Variants in C11orf16 observed in about 807,000 individuals in gnomAD.
C11orf16 encodes uncharacterized protein C11orf16.
Under a neutral mutation model 45.1 loss-of-function variants are expected in C11orf16, and 38 were observed. The ratio of observed to expected loss-of-function variants is 0.84; its 90% CI spans 0.65 to 1.10. The LOEUF (loss-of-function observed/expected upper bound fraction) is 1.10. C11orf16 is among the 50% of genes least tolerant of loss of function. The pLI is 0.00. For synonymous variants in C11orf16, 221 were observed against 222.0 expected (o/e 1.00, Z 0.04); for missense variants, 583 against 569.5 (o/e 1.02, Z -0.24).
chr11:8,931,075 A>G (rs932853281), intron 2 of C11orf16, among the ~76,000 whole-genome samples: 6 of 152,168 alleles, frequency 3.9e-5, no homozygotes, highest in Non-Finnish European at 7.4e-5. Flanking sequence ...GGCCTCTTGT[A>G]TCCACGCTTT....
At chr11:8,924,835 A>T (rs944044296) in intron 5 of C11orf16, among the ~76,000 whole-genome samples, 1 of 152,130 alleles carries the variant, frequency 6.6e-6, no homozygotes, top group South Asian at 2.1e-4. Flanking sequence ...GGGAATTTAG[A>T]TAGGATGGGC....
chr11:8,926,813 G>T (rs906923060), intron 4 of C11orf16, 127 bp downstream of exon 4: 3 of 664,438 alleles, frequency 4.5e-6, no homozygotes, highest in African/African-American at 3.6e-5. Flanking sequence ...AGCAAGCAAG[G>T]GGGAAAAATT....
intron 3 of C11orf16, among the ~76,000 whole-genome samples, chr11:8,928,718 C>G (rs1057484722): frequency 6.6e-6 from 1 of 152,164 alleles, no homozygotes; most frequent in Non-Finnish European, 1.5e-5. Context: ...CCAGGCTGGT[C>G]TTGAACTCCT....
chr11:8,924,933 A>T (rs2064599630), intron 5 of C11orf16, among the ~76,000 whole-genome samples: 1 of 152,216 alleles, frequency 6.6e-6, no homozygotes, highest in African/African-American at 2.4e-5. Context: ...CAGCAACAGG[A>T]CACGGCTTCC....
At chr11:8,924,342 T>C (rs2064594062) in intron 5 of C11orf16, among the ~76,000 whole-genome samples, 1 of 152,028 alleles carries the variant, frequency 6.6e-6, no homozygotes, top group Non-Finnish European at 1.5e-5. Context: ...CTGGCCAACA[T>C]GGCAAAACCC....
At chr11:8,920,501 A>C in intron 6 of C11orf16, 51 bp from the exon 7 acceptor site, 1 of 638,420 alleles carries the variant, frequency 1.6e-6, no homozygotes, top group Non-Finnish European at 2.8e-6. Flanking sequence ...TGCAATTTTA[A>C]GAATCAAAAG....
intron 2 of C11orf16, among the ~76,000 whole-genome samples, chr11:8,930,638 T>C (rs919908398): frequency 6.6e-6 from 1 of 152,032 alleles, no homozygotes; most frequent in African/African-American, 2.4e-5. Context: ...AAGGAGATGC[T>C]AGTTCCAGAA....
chr11:8,923,241 G>A (rs960713644), intron 5 of C11orf16, among the ~76,000 whole-genome samples: 1 of 152,190 alleles, frequency 6.6e-6, no homozygotes, highest in African/African-American at 2.4e-5. Flanking sequence ...AATCAGGTTT[G>A]GAACCCTTCT....
At chr11:8,922,923 C>A (rs183236650) in intron 5 of C11orf16, among the ~76,000 whole-genome samples, 12 of 152,316 alleles carry the variant, frequency 7.9e-5, no homozygotes, top group Admixed American at 7.8e-4. Flanking sequence ...TGTCTCCACA[C>A]CCCCTCTCGG....
intron 6 of C11orf16, 56 bp from the exon 7 acceptor site, chr11:8,920,506 C>G: frequency 1.6e-6 from 1 of 634,112 alleles, no homozygotes; most frequent in Non-Finnish European, 2.8e-6. Context: ...TTTTAAGAAT[C>G]AAAAGTCACT....
rs1294404452 is a variant in C11orf16, at chr11:8,926,180, CTTTTCT to C, written c.560-79_560-74del. 4 of 987,614 alleles carry C rather than the reference CTTTTCT, an allele frequency of 4.1e-6. No homozygotes were observed. The South Asian group carries it at 6.8e-5, about 17-fold the overall frequency. 61.2% of individuals were successfully genotyped at this position (987,614 alleles called of 1,614,324 possible). ...CCTTTTTTTTCTTTTTTCTTTTTTT[CTTTTCT>C]TTTTTTTTTTTTTTTTTTGAGACAG... On this transcript the variant is annotated intron_variant, in intron 4 of 6. Transcript: ENST00000326053.
Position 8,932,015 on chromosome 11 carries a change from A to G in C11orf16, c.167+127T>C, listed in dbSNP as rs763478216. 432 of 1,055,512 alleles carry G rather than the reference A, an allele frequency of 4.1e-4. 5 individuals are homozygous for G. Among genetic ancestry groups the G allele is most frequent in the Non-Finnish European group, 1.2e-4 (88 of 751,474 alleles). 65.4% of individuals were successfully genotyped at this position (1,055,512 alleles called of 1,614,324 possible). A position where few individuals can be genotyped will look rare whatever the true frequency, so the allele number is the denominator to read the frequency against. ...CACACAGATATGCCAATCATAGGCCAAACAATGACGACCCCTTTCCACCTT... is the reference window on the plus strand; with the variant it reads ...CACACAGATATGCCAATCATAGGCCGAACAATGACGACCCCTTTCCACCTT... On this transcript the variant is annotated intron_variant, in intron 2 of 6. Coordinates refer to ENST00000326053, the MANE Select transcript of C11orf16 (RefSeq NM_020643.3).
intron 5 of C11orf16, among the ~76,000 whole-genome samples, chr11:8,922,743 T>C (rs2064583729): frequency 6.6e-6 from 1 of 152,248 alleles, no homozygotes; most frequent in Admixed American, 6.5e-5. Flanking sequence ...ACATCAAGCA[T>C]GTTTAGGAGA....
chr11:8,926,016 G>C lies in C11orf16; in HGVS notation c.651C>G (p.Ile217Met). Residue 217 changes from isoleucine to methionine, a missense_variant, in exon 5 of 7, where the codon ATC (isoleucine) becomes ATG (methionine). By Grantham distance (10) the Ile-to-Met change is conservative. Transcript: ENST00000326053. ...LGGVQSVSLT[I>M]WKKAVERLHK... ...GCAGCCTCTCCACAGCCTTCTTCCAGATGGTCAGGGACACCGACTGGACCC... is the reference window on the plus strand; with the variant it reads ...GCAGCCTCTCCACAGCCTTCTTCCACATGGTCAGGGACACCGACTGGACCC... 6.2e-7 allele frequency: 1 copy of C among 1,614,138 alleles called. No individual in the cohort carries two copies. Among genetic ancestry groups the C allele is most frequent in the Non-Finnish European group, 8.5e-7 (1 of 1,180,024 alleles).
intron 2 of C11orf16, 62 bp downstream of exon 2, chr11:8,932,080 A>T (rs1448051300): frequency 1.4e-6 from 2 of 1,454,442 alleles, no homozygotes; most frequent in Non-Finnish European, 1.8e-6. Context: ...TACCACCAAC[A>T]GCCAAGAACA....
intron 3 of C11orf16, 125 bp downstream of exon 3, chr11:8,929,252 T>C (rs1450164992): frequency 2.0e-6 from 2 of 987,214 alleles, no homozygotes; most frequent in South Asian, 1.7e-5. Context: ...TTCTACAACA[T>C]GGCCATGGGA....
At chr11:8,927,352 A>C (rs2064621539) in intron 3 of C11orf16, among the ~76,000 whole-genome samples, 178 bp from the exon 4 acceptor site, 1 of 152,236 alleles carries the variant, frequency 6.6e-6, no homozygotes, top group African/African-American at 2.4e-5. Flanking sequence ...CAAGACAGGC[A>C]GGCTGTGTGG....
Position 8,932,240 on chromosome 11 carries a change from G to C in C11orf16, c.69C>G (p.Ala23=). Residue 23 remains alanine, a synonymous_variant, in exon 2 of 7, where the codon GCC becomes GCG. Transcript: ENST00000326053. The part of the protein sequence containing the change: ...KYCSVATSLK[A]PGWDGAAPPW... ...GTGGAGCAGCACCGTCCCAGCCAGGGGCCTTCAGGCTTGTGGCCACGCTGC... is the reference window on the plus strand; with the variant it reads ...GTGGAGCAGCACCGTCCCAGCCAGGCGCCTTCAGGCTTGTGGCCACGCTGC... 6.2e-7 allele frequency: 1 copy of C among 1,610,108 alleles called. No homozygotes were observed. Among genetic ancestry groups the C allele is most frequent in the Non-Finnish European group, 8.5e-7 (1 of 1,178,450 alleles).
chr11:8,922,887 CAT>C (rs1589931663), intron 5 of C11orf16, among the ~76,000 whole-genome samples: 2 of 152,302 alleles, frequency 1.3e-5, no homozygotes, highest in African/African-American at 4.8e-5. Context: ...TAGTCCCACA[CAT>C]GTGGTGAGGG....
Sources: gnomAD v4.1 joint callset for allele counts (sites outside exome capture counted in the v4.1 genomes callset) on GRCh38, gnomAD v4.1.1 for gene constraint, MANE v1.5 for transcripts, NCBI Gene and HGNC (gene_info 2026-07-23, HGNC 2026-07-21) for gene names.